PRDX1: variants seen among roughly 807,000 people sequenced by gnomAD.
PRDX1 encodes peroxiredoxin-1.
Under a neutral mutation model 20.7 loss-of-function variants are expected in PRDX1, and 19 were observed. The ratio of observed to expected loss-of-function variants is 0.92; its 90% CI spans 0.64 to 1.35. The LOEUF is 1.35. Among genes scored for constraint, PRDX1 ranks in the 40% most tolerant of loss-of-function variants. The pLI is 0.00. For missense variants in PRDX1, 226 were observed against 240.0 expected (o/e 0.94, Z 0.38); for synonymous variants, 89 against 83.9 (o/e 1.06, Z -0.33).
In PRDX1 at chr1:45,511,121, T is replaced by C. The variant is rs1190932934; in HGVS notation, c.*208A>G. Reference sequence around the variant, plus strand: ...TCTACTAATACATCATACAAACCAGTAGCCTGCCCACAACGCCAACTCAGG... The same window carrying C: ...TCTACTAATACATCATACAAACCAGCAGCCTGCCCACAACGCCAACTCAGG... On this transcript the variant is annotated 3_prime_UTR_variant, in exon 6 of 6. Transcript: ENST00000319248. The C allele has an allele frequency of 2.0e-6, 1 of 491,338 alleles. No individual in the cohort carries two copies. The highest frequency in any genetic ancestry group is 3.6e-6 in the Non-Finnish European group (1 of 277,352). 30.4% of individuals were successfully genotyped at this position (491,338 alleles called of 1,614,324 possible).
At chr1:45,515,471 CG>C (rs1643840996) in intron 3 of PRDX1, among the ~76,000 whole-genome samples, 182 bp downstream of exon 3, 1 of 151,762 alleles carries the variant, frequency 6.6e-6, no homozygotes, top group Admixed American at 6.6e-5. Context: ...TGGTGGCAGG[CG>C]CCTGTAGTCC....
intron 2 of PRDX1, among the ~76,000 whole-genome samples, chr1:45,516,787 C>T (rs917180046): frequency 7.9e-5 from 12 of 151,868 alleles, no homozygotes; most frequent in Non-Finnish European, 1.2e-4. Flanking sequence ...TTTGGGAGGC[C>T]GAGGCGGGTG....
chr1:45,522,025 C>G (rs1381849460), upstream of PRDX1: 2 of 152,306 alleles, frequency 1.3e-5, no homozygotes, highest in African/African-American at 2.4e-5. Flanking sequence ...AATGACTCGG[C>G]GCTTTCCCTC....
rs1283522670 is a variant in PRDX1 at position 45,511,411 on chromosome 1, C to T, written c.518G>A (p.Cys173Tyr). Residue 173 changes from cysteine (C) to tyrosine (Y), a missense_variant, in exon 6 of 6, where the codon TGC becomes TAC. Transcript: ENST00000319248. ...ACTGCCAGGTTTCCAGCCAGCTGGG[C>T]ACACTGCAAGAGAAAGGCACCACTA... is the stretch of plus-strand genomic sequence containing the variant. Reference protein sequence around the residue: ...FQFTDKHGEVCPAGWKPGSDT... With the variant: ...FQFTDKHGEVYPAGWKPGSDT... 6.2e-7 allele frequency: 1 copy of T among 1,612,486 alleles called. No homozygotes were observed. Among genetic ancestry groups the T allele is most frequent in the Non-Finnish European group, 8.5e-7 (1 of 1,179,298 alleles).
intron 1 of PRDX1, among the ~76,000 whole-genome samples, chr1:45,520,828 C>T (rs1368892738): frequency 2.0e-5 from 3 of 151,518 alleles, no homozygotes; most frequent in African/African-American, 4.9e-5. Flanking sequence ...TGCTTGAATT[C>T]GGGAGACAGG....
At chr1:45,520,825 A>C (rs4660868) in intron 1 of PRDX1, among the ~76,000 whole-genome samples, 46 of 148,818 alleles carry the variant, frequency 3.1e-4, no homozygotes, top group African/African-American at 1.1e-3. Context: ...AATTGCTTGA[A>C]TTCGGGAGAC....
At position 45,511,256 on chromosome 1, in the gene PRDX1, G is replaced by T; in HGVS notation, c.*73C>A. The stretch of plus-strand genomic sequence containing the variant: ...TCTGAAGTCTTGTGTTTTACTAATG[G>T]AAAAAAAAAATACAGAAGAGGTTTT... On this transcript the variant is annotated 3_prime_UTR_variant, in exon 6 of 6. Transcript: ENST00000319248. The T allele has an allele frequency of 8.5e-7, 1 of 1,180,618 alleles. No individual in the cohort carries two copies. The highest frequency in any genetic ancestry group is 1.6e-5 in the South Asian group (1 of 63,678). The allele number at this position is 1,180,618 out of a possible 1,614,324, so 73.1% of individuals were successfully genotyped here.
intron 1 of PRDX1, 146 bp downstream of exon 1, chr1:45,521,683 C>T (rs912137467): frequency 5.2e-5 from 8 of 152,452 alleles, no homozygotes; most frequent in African/African-American, 1.9e-4. Context: ...CAAGCAGTCT[C>T]GGACTCCGGG....
In PRDX1 at chr1:45,519,036, G is replaced by T. The variant is rs1164622118; in HGVS notation, c.8C>A (p.Ser3Ter). Residue 3 changes from serine to a stop codon, truncating the protein, a stop_gained, in exon 2 of 6, where the codon TCA becomes TAA. Transcript: ENST00000319248. LOFTEE classifies it high-confidence loss of function. MS[S>*]GNAKIGHPAP... ...AGGGTGCCCAATTTTAGCATTTCCT[G>T]AAGACATCTTCCTATCAGCTAGAAA... The T allele has an allele frequency of 6.3e-7, 1 of 1,584,002 alleles. No homozygotes were observed. Among genetic ancestry groups the T allele is most frequent in the Non-Finnish European group, 8.6e-7 (1 of 1,166,682 alleles).
chr1:45,512,920 TGGTGCTAGCCAAGCTAGCAC>T (rs1267756621), intron 5 of PRDX1: 1 of 152,242 alleles, frequency 6.6e-6, no homozygotes, highest in Non-Finnish European at 1.5e-5. Context: ...AAAGATTACT[TGGTGCTAGCCAAGCTAGCAC>T]CTTTGGGTCT....
chr1:45,514,628 A>G lies in PRDX1; in HGVS notation c.393T>C (p.Phe131=). ...ADEGISFRGL[F]IIDDKGILRQ... ...GAAGAATACCCTTATCATCAATGAT[A>G]AAAAGGCCCCTGGGAAAAGAGATGA... The change falls in exon 5 of 6, where the codon TTT becomes TTC. Residue 131 remains phenylalanine, a synonymous_variant. Transcript: ENST00000319248. 2 of 1,613,614 alleles carry G rather than the reference A, an allele frequency of 1.2e-6. No individual in the cohort carries two copies. Among genetic ancestry groups the G allele is most frequent in the East Asian group, 4.5e-5 (2 of 44,890 alleles).
Position 45,520,265 on chromosome 1 carries a change from C to A in PRDX1, c.-11-1211G>T, listed in dbSNP as rs1251230182. Among the ~76,000 whole-genome samples the A allele has an allele frequency of 6.2e-5, 9 of 145,210 alleles. No individual in the cohort carries two copies. In the Admixed American group the frequency reaches 6.2e-4, roughly 10 times the overall value. On this transcript the variant is annotated intron_variant, in intron 1 of 5. Transcript: ENST00000319248. ...ATATTGATTGGCATCTGCTTAATTTCAAATCTTTAGGTATTGTGTAAGCCC... is the reference window on the plus strand; with the variant it reads ...ATATTGATTGGCATCTGCTTAATTTAAAATCTTTAGGTATTGTGTAAGCCC...
rs779646712 is a variant in PRDX1 at position 45,514,561 on chromosome 1, C to G, written c.460G>C (p.Asp154His). 2 of 1,614,092 alleles carry G rather than the reference C, an allele frequency of 1.2e-6. No individual in the cohort carries two copies. Among genetic ancestry groups the G allele is most frequent in the South Asian group, 1.1e-5 (1 of 91,084 alleles). ...GCCTGAACTAGTCTCAAAGTCTCATCCACAGAGCGGCCAACAGGGAGGTCA... is the reference window on the plus strand; with the variant it reads ...GCCTGAACTAGTCTCAAAGTCTCATGCACAGAGCGGCCAACAGGGAGGTCA... ...VNDLPVGRSVDETLRLVQAFQ... is the reference protein window; with the variant it reads ...VNDLPVGRSVHETLRLVQAFQ... The change falls in exon 5 of 6, where the codon GAT becomes CAT. Residue 154 changes from aspartate to histidine, a missense_variant. Transcript: ENST00000319248.
intron 2 of PRDX1, among the ~76,000 whole-genome samples, chr1:45,517,941 G>A (rs35103566): frequency 0.065 from 9,812 of 151,984 alleles, 1,037 homozygotes; most frequent in African/African-American, 0.22. Context: ...CAAACTGAAC[G>A]AGCAGTGTCA....
intron 2 of PRDX1, 22 bp from the exon 3 acceptor site, chr1:45,515,829 T>C (rs771956478): frequency 9.1e-6 from 14 of 1,539,202 alleles, no homozygotes; most frequent in South Asian, 1.2e-5. Flanking sequence ...ATCGGAGTCA[T>C]GGTTAGCATT....
intron 1 of PRDX1, among the ~76,000 whole-genome samples, chr1:45,519,594 TTTG>T (rs1383144803): frequency 6.6e-6 from 1 of 152,168 alleles, no homozygotes; most frequent in African/African-American, 2.4e-5. Context: ...TTTATTTGTT[TTTG>T]TTTTGTTTTG....
At chr1:45,520,278 A>G (rs1391338341) in intron 1 of PRDX1, among the ~76,000 whole-genome samples, 3 of 125,028 alleles carry the variant, frequency 2.4e-5, no homozygotes, top group Non-Finnish European at 4.8e-5. Context: ...ATCTTTAGGT[A>G]TTGTGTAAGC....
At chr1:45,516,722 C>T (rs1028265947) in intron 2 of PRDX1, among the ~76,000 whole-genome samples, 1 of 151,982 alleles carries the variant, frequency 6.6e-6, no homozygotes, top group Non-Finnish European at 1.5e-5. Flanking sequence ...GTCAAACAGG[C>T]TGGGTGTGGT....
intron 1 of PRDX1, among the ~76,000 whole-genome samples, chr1:45,521,111 T>C (rs1455419184): frequency 6.6e-6 from 1 of 152,168 alleles, no homozygotes; most frequent in Non-Finnish European, 1.5e-5. Context: ...TGCCCCCAAA[T>C]GGCCTTCTCG....
Sources: gnomAD v4.1 joint callset for allele counts (sites outside exome capture counted in the v4.1 genomes callset) on GRCh38, gnomAD v4.1.1 for gene constraint, MANE v1.5 for transcripts, NCBI Gene and HGNC (gene_info 2026-07-23, HGNC 2026-07-21) for gene names.